Variants in NR1D2 observed in about 807,000 individuals in gnomAD.
NR1D2 encodes the protein nuclear receptor subfamily 1 group D member 2, also known as V-erbA-related protein 1-related.
NR1D2 carries 25 observed loss-of-function variants against 52.2 expected under a neutral mutation model. That is an observed-to-expected ratio of 0.48 (90% CI 0.35 to 0.67). The LOEUF (loss-of-function observed/expected upper bound fraction) is 0.67, where lower values mean the gene tolerates loss of function less well. Ranked by LOEUF, NR1D2 falls within the 30% of genes least tolerant of loss-of-function variation. The pLI is 0.01. For missense variants in NR1D2, 681 were observed against 707.2 expected, an observed-to-expected ratio of 0.96 and a Z score of 0.42; for synonymous variants, 259 against 230.1, an observed-to-expected ratio of 1.13 and a Z score of -1.14.
intron 2 of NR1D2, among the ~76,000 whole-genome samples, chr3:23,955,183 G>C (rs1185888520): frequency 6.6e-6 from 1 of 152,190 alleles, no homozygotes; most frequent in African/African-American, 2.4e-5. Context: ...GGGAATATTT[G>C]GGATGAGGAA....
At chr3:23,961,902 T>C in intron 4 of NR1D2, 75 bp from the exon 5 acceptor site, 4 of 1,372,244 alleles carry the variant, frequency 2.9e-6, no homozygotes, top group Non-Finnish European at 2.9e-6. Context: ...AACTGTTGGA[T>C]AATTTTGTGT....
chr3:23,975,199 C>T (rs776068551), intron 7 of NR1D2, among the ~76,000 whole-genome samples: 5 of 152,102 alleles, frequency 3.3e-5, no homozygotes, highest in Non-Finnish European at 7.4e-5. Flanking sequence ...TGGGTCACTG[C>T]AGCCTTGACC....
intron 1 of NR1D2, among the ~76,000 whole-genome samples, chr3:23,951,679 A>C (rs1205283795): frequency 1.3e-5 from 2 of 152,238 alleles, no homozygotes; most frequent in East Asian, 3.8e-4. Context: ...CTTTAAAACT[A>C]TGGGCCAATT....
Position 23,962,519 on chromosome 3 carries a change from G to C in NR1D2, c.1060G>C (p.Val354Leu). 1 of 1,614,092 alleles carries C rather than the reference G, an allele frequency of 6.2e-7. No individual in the cohort carries two copies. The change falls in exon 5 of 8, where the codon GTA (valine) becomes CTA (leucine). Residue 354 changes from valine (V) to leucine (L), a missense_variant. By Grantham distance (32) the Val-to-Leu change is conservative. This residue lies in a region of NR1D2 where 475 missense variants were observed against 454.5 expected (regional missense o/e 1.05). Coordinates refer to ENST00000312521, the MANE Select transcript of NR1D2 (RefSeq NM_005126.5). ...CTTCTCCAATGCTTATACTCAAAGA[G>C]TATGTGATAGAGTTCCGATAGATGG... ...MNFSNAYTQR[V>L]CDRVPIDGFS...
chr3:23,956,369 A>T (rs1157783116), intron 3 of NR1D2, among the ~76,000 whole-genome samples: 1 of 152,246 alleles, frequency 6.6e-6, no homozygotes, highest in Non-Finnish European at 1.5e-5. Context: ...TCAATTAAAC[A>T]TACTTATTGT....
Position 23,961,983 on chromosome 3 carries a change from G to T in NR1D2, c.524G>T (p.Arg175Leu). 1 of 1,594,646 alleles carries T rather than the reference G, an allele frequency of 6.3e-7. No homozygotes were observed. Among genetic ancestry groups the T allele is most frequent in the Non-Finnish European group, 8.6e-7 (1 of 1,169,294 alleles). ...LSVGMSRDAV[R>L]FGRIPKREKQ... ...ATATCTTTTTCTTCAATAGCTGTTC[G>T]GTTTGGTCGTATTCCTAAGCGTGAA... The change falls in exon 5 of 8, where the codon CGG becomes CTG. Residue 175 changes from arginine (R) to leucine (L), a missense_variant. By Grantham distance (102) the Arg-to-Leu change is moderately radical. Coordinates refer to ENST00000312521, the MANE Select transcript of NR1D2 (RefSeq NM_005126.5).
intron 1 of NR1D2, among the ~76,000 whole-genome samples, chr3:23,948,194 T>TA (rs1377243619): frequency 2.0e-5 from 3 of 152,180 alleles, no homozygotes; most frequent in African/African-American, 4.8e-5. Flanking sequence ...CAGCGCTGTG[T>TA]GGCACACCTC....
intron 1 of NR1D2, chr3:23,946,098 G>C: frequency 5.1e-6 from 5 of 984,830 alleles, no homozygotes; most frequent in Non-Finnish European, 6.0e-6. Flanking sequence ...TGGAAGCCTC[G>C]GGGCAGTGAC....
intron 5 of NR1D2, chr3:23,963,312 T>C: frequency 7.4e-7 from 1 of 1,347,958 alleles, no homozygotes; most frequent in Non-Finnish European, 9.8e-7. Context: ...TGATAGTGCT[T>C]GGTATTTTCT....
At chr3:23,957,913 T>C (rs1706130186) in intron 3 of NR1D2, among the ~76,000 whole-genome samples, 2 of 152,360 alleles carry the variant, frequency 1.3e-5, no homozygotes, top group South Asian at 4.1e-4. Context: ...TAATAAAATA[T>C]AAAAATGTTG....
At position 23,967,850 on chromosome 3, in the gene NR1D2, A is replaced by G. The variant is rs61755049; in HGVS notation, c.1370A>G (p.Lys457Arg). ...MVRFASLFDA[K>R]ERTVTFLSGK... Reference sequence around the variant, plus strand: ...CGGTTCGCATCATTATTTGATGCAAAGGAACGTACTGTCACCTTTTTAAGT... The same window carrying G: ...CGGTTCGCATCATTATTTGATGCAAGGGAACGTACTGTCACCTTTTTAAGT... The change falls in exon 7 of 8, where the codon AAG becomes AGG. Residue 457 changes from lysine to arginine, a missense_variant. Transcript: ENST00000312521. 1.2e-3 allele frequency: 1,939 copies of G among 1,614,018 alleles called. 2 individuals carry two copies. The highest frequency in any genetic ancestry group is 1.5e-3 in the Non-Finnish European group (1,743 of 1,179,986).
intron 6 of NR1D2, among the ~76,000 whole-genome samples, chr3:23,967,058 G>GCTCATGC (rs1706466752): frequency 6.6e-6 from 1 of 152,160 alleles, no homozygotes; most frequent in African/African-American, 2.4e-5. Context: ...GGGCGCTGTG[G>GCTCATGC]CTCATGCCTG....
At chr3:23,954,427 C>T (rs1412059732) in intron 1 of NR1D2, 110 bp from the exon 2 acceptor site, 2 of 903,880 alleles carry the variant, frequency 2.2e-6, no homozygotes, top group Non-Finnish European at 3.4e-6. Flanking sequence ...GCAAACATTT[C>T]ATATCAGTAT....
intron 7 of NR1D2, among the ~76,000 whole-genome samples, chr3:23,974,114 T>TTTTA (rs1553599440): frequency 1.6e-4 from 23 of 147,878 alleles, no homozygotes; most frequent in Admixed American, 1.4e-3. Flanking sequence ...TTTTTTTTTT[T>TTTTA]AAGTAGAAGG....
chr3:23,946,417 G>A (rs77454224), intron 1 of NR1D2: 5 of 467,584 alleles, frequency 1.1e-5, no homozygotes, highest in African/African-American at 4.2e-5. Context: ...GAAGGGATAC[G>A]CTCGAAGGAG....
rs1357188717 is a variant in NR1D2, at chr3:23,965,205, T to C, written c.1332+43T>C. 2 of 1,322,746 alleles carry C rather than the reference T, an allele frequency of 1.5e-6. 1 individual carries two copies. Among genetic ancestry groups the C allele is most frequent in the Non-Finnish European group, 2.1e-6 (2 of 966,156 alleles). The allele number at this position is 1,322,746 out of a possible 1,614,324, so 81.9% of individuals were successfully genotyped here. A position where few individuals can be genotyped will look rare whatever the true frequency, so the allele number is the denominator to read the frequency against. Reference sequence around the variant, plus strand: ...TGAATATTGATGCAGGCAGGGCATGTAGTATTTTATTTTCATGGATGTTTT... The same window carrying C: ...TGAATATTGATGCAGGCAGGGCATGCAGTATTTTATTTTCATGGATGTTTT... On this transcript the variant is annotated intron_variant, in intron 6 of 7. Coordinates refer to ENST00000312521, the MANE Select transcript of NR1D2 (RefSeq NM_005126.5).
At position 23,962,324 on chromosome 3, in the gene NR1D2, A is replaced by G. The variant is rs1302502011; in HGVS notation, c.865A>G (p.Lys289Glu). 2 of 1,614,100 alleles carry G rather than the reference A, an allele frequency of 1.2e-6. No individual in the cohort carries two copies. The highest frequency in any genetic ancestry group is 2.2e-5 in the East Asian group (1 of 44,896). Residue 289 changes from lysine (K) to glutamate (E), a missense_variant, in exon 5 of 8, where the codon AAG (lysine) becomes GAG (glutamate). Transcript: ENST00000312521. ...MQPQRGERIP[K>E]NMEQYNLNHD... ...GCCCCAGAGAGGAGAACGGATTCCCAAGAACATGGAGCAATATAATTTAAA... is the reference window on the plus strand; with the variant it reads ...GCCCCAGAGAGGAGAACGGATTCCCGAGAACATGGAGCAATATAATTTAAA...
chr3:23,945,485 T>G lies in NR1D2; in HGVS notation c.-94T>G. On this transcript the variant is annotated 5_prime_UTR_variant, in exon 1 of 8. Coordinates refer to ENST00000312521, the MANE Select transcript of NR1D2 (RefSeq NM_005126.5). ...GAGGGGGCCCCGCGACCACCGCTGC[T>G]TCCAGCCCGGGGCGGCGCGGCGCTG... 1.3e-6 allele frequency: 1 copy of G among 793,406 alleles called. No individual in the cohort carries two copies. Among genetic ancestry groups the G allele is most frequent in the East Asian group, 6.7e-5 (1 of 14,956 alleles). 49.1% of individuals were successfully genotyped at this position (793,406 alleles called of 1,614,324 possible). A position where few individuals can be genotyped will look rare whatever the true frequency, so the allele number is the denominator to read the frequency against.
At chr3:23,948,121 A>C (rs79969264) in intron 1 of NR1D2, among the ~76,000 whole-genome samples, 1 of 150,600 alleles carries the variant, frequency 6.6e-6, no homozygotes, top group African/African-American at 2.4e-5. Context: ...CCCATCTCAA[A>C]AAAAAAAAAA....
Sources: allele counts gnomAD v4.1 joint callset (sites outside exome capture counted in the v4.1 genomes callset), GRCh38; gene constraint gnomAD v4.1.1; regional missense constraint gnomAD v4.1.1; transcripts MANE v1.5; gene names NCBI Gene and HGNC (gene_info 2026-07-23, HGNC 2026-07-21).